Variants in KLHL6 observed in about 807,000 individuals in gnomAD.
The protein encoded by KLHL6 is kelch-like protein 6.
A neutral mutation model predicts 58.6 loss-of-function variants in KLHL6; 41 were observed. The ratio of observed to expected loss-of-function variants is 0.70; its 90% confidence interval spans 0.55 to 0.91. The LOEUF (loss-of-function observed/expected upper bound fraction) is 0.91, where lower values mean the gene tolerates loss of function less well. KLHL6 is among the 40% of genes least tolerant of loss of function. The pLI is 0.00. For missense variants in KLHL6, 714 were observed against 805.6 expected (o/e 0.89, Z 1.38); for synonymous variants, 338 against 322.7 (o/e 1.05, Z -0.51).
intron 1 of KLHL6, among the ~76,000 whole-genome samples, chr3:183,530,959 G>A (rs1473815398): frequency 1.3e-5 from 2 of 151,648 alleles, no homozygotes; most frequent in Non-Finnish European, 2.9e-5. Context: ...AGCCTCTGGA[G>A]TAGCTGGGAT....
chr3:183,499,466 T>C lies in KLHL6; in HGVS notation c.1147+124A>G, dbSNP rs888876840. On this transcript the variant is annotated intron_variant, in intron 4 of 6. Transcript: ENST00000341319. The surrounding 1 kb of genome is among the most constrained non-coding windows in gnomAD (Gnocchi z 4.6). ...CCTGAGCTCCTGGGTCCATATCCTG[T>C]CTCAGTCAGAGCCGGATCATTGCCA... 18 of 668,786 alleles carry C rather than the reference T, an allele frequency of 2.7e-5. No individual in the cohort carries two copies. Among genetic ancestry groups the C allele is most frequent in the Non-Finnish European group, 4.7e-5 (18 of 382,848 alleles). 41.4% of individuals were successfully genotyped at this position (668,786 alleles called of 1,614,324 possible).
chr3:183,523,689 T>C (rs1342740235), intron 2 of KLHL6, among the ~76,000 whole-genome samples: 1 of 106,210 alleles, frequency 9.4e-6, no homozygotes, highest in African/African-American at 3.8e-5. Context: ...TTTTTTCCCA[T>C]GAGTTGTTGT....
intron 1 of KLHL6, among the ~76,000 whole-genome samples, chr3:183,528,643 A>G (rs1409947306): frequency 6.6e-6 from 1 of 152,196 alleles, no homozygotes; most frequent in Non-Finnish European, 1.5e-5. Context: ...GGAAGAGGAT[A>G]GAAAGGATGT....
chr3:183,533,009 A>G (rs770529836), intron 1 of KLHL6, among the ~76,000 whole-genome samples: 12 of 152,326 alleles, frequency 7.9e-5, no homozygotes, highest in South Asian at 2.1e-4. Flanking sequence ...CAGTAGCCAC[A>G]CCGCTAGGGA....
chr3:183,491,994 C>G lies in KLHL6; in HGVS notation c.1799G>C (p.Gly600Ala), dbSNP rs1323053267. Residue 600 changes from glycine (G) to alanine (A), a missense_variant, in exon 7 of 7, where the codon GGC (glycine) becomes GCC (alanine). By Grantham distance (60) the Gly-to-Ala change is moderately conservative (BLOSUM62 0). Transcript: ENST00000341319. Reference protein sequence around the residue: ...CVLPRGVSHHGSVTIRKSYTH... With the variant: ...CVLPRGVSHHASVTIRKSYTH... ...GTACGACTTCCTGATGGTGACGCTG[C>G]CGTGGTGCGACACGCCCCGGGGCAG... is the stretch of plus-strand genomic sequence containing the variant. The G allele has an allele frequency of 6.3e-7, 1 of 1,594,368 alleles. No individual in the cohort carries two copies. Among genetic ancestry groups the G allele is most frequent in the Admixed American group, 1.7e-5 (1 of 57,688 alleles).
rs1345691743 is a variant in KLHL6 at position 183,489,994 on chromosome 3, A to G, written c.*1933T>C. 1 of 152,232 alleles carries G rather than the reference A, an allele frequency of 6.6e-6. No individual in the cohort carries two copies. The highest frequency in any genetic ancestry group is 2.4e-5 in the African/African-American group (1 of 41,440). 9.4% of individuals were successfully genotyped at this position (152,232 alleles called of 1,614,324 possible). On this transcript the variant is annotated 3_prime_UTR_variant, in exon 7 of 7. Transcript: ENST00000341319. Reference sequence around the variant, plus strand: ...AGAGAATTGAAATCATATGATGAAAATAAAGTCCATTGGGTAACGCAGTTA... The same window carrying G: ...AGAGAATTGAAATCATATGATGAAAGTAAAGTCCATTGGGTAACGCAGTTA...
At position 183,492,000 on chromosome 3, in the gene KLHL6, T is replaced by G. The variant is rs752713874; in HGVS notation, c.1793A>C (p.His598Pro). 6.3e-7 allele frequency: 1 copy of G among 1,596,384 alleles called. No individual in the cohort carries two copies. The highest frequency in any genetic ancestry group is 8.6e-7 in the Non-Finnish European group (1 of 1,168,670). Residue 598 changes from histidine to proline, a missense_variant, in exon 7 of 7, where the codon CAC becomes CCC. Physicochemically the swap from His to Pro is moderately conservative, Grantham distance 77 (BLOSUM62 -2). Transcript: ENST00000341319. ...EECVLPRGVS[H>P]HGSVTIRKSY... ...CTTCCTGATGGTGACGCTGCCGTGG[T>G]GCGACACGCCCCGGGGCAGGACGCA...
At chr3:183,518,789 T>C (rs147610060) in intron 2 of KLHL6, among the ~76,000 whole-genome samples, 6 of 152,284 alleles carry the variant, frequency 3.9e-5, no homozygotes, top group Non-Finnish European at 8.8e-5. Flanking sequence ...ACAAAGTTTA[T>C]ACCAAAACAG....
At chr3:183,506,452 G>A (rs549653629) in intron 3 of KLHL6, among the ~76,000 whole-genome samples, 1 of 152,306 alleles carries the variant, frequency 6.6e-6, no homozygotes, top group East Asian at 1.9e-4. Context: ...TCCCAGTCTA[G>A]AGATATTTAC....
chr3:183,531,441 G>GTATTTTTTTTTTTTTTTTTTT (rs1367673441), intron 1 of KLHL6, among the ~76,000 whole-genome samples: 2 of 102,100 alleles, frequency 2.0e-5, no homozygotes. Flanking sequence ...TTTTTTGTCT[G>GTATTTTTTTTTTTTTTTTTTT]TGTTTTTTTT....
intron 1 of KLHL6, among the ~76,000 whole-genome samples, chr3:183,537,806 A>C (rs1712414757): frequency 6.6e-6 from 1 of 151,690 alleles, no homozygotes; most frequent in African/African-American, 2.4e-5. Context: ...CCACTCCCTC[A>C]CCTCTTCGCT....
chr3:183,514,217 G>A (rs995661602), intron 2 of KLHL6, among the ~76,000 whole-genome samples: 3 of 152,186 alleles, frequency 2.0e-5, no homozygotes, highest in East Asian at 1.9e-4. Flanking sequence ...AGTGTGGAAG[G>A]ACACTTGAGA....
At chr3:183,494,385 C>A in intron 4 of KLHL6, 104 bp from the exon 5 acceptor site, 1 of 939,250 alleles carries the variant, frequency 1.1e-6, no homozygotes. Flanking sequence ...CCAGGCCAGC[C>A]CTACCCTGAG....
intron 2 of KLHL6, among the ~76,000 whole-genome samples, chr3:183,525,756 G>A (rs548554645): frequency 6.6e-6 from 1 of 152,334 alleles, no homozygotes; most frequent in Non-Finnish European, 1.5e-5. Context: ...AGAAGAACAA[G>A]GTAGTTTCCA....
chr3:183,508,368 GTTT>G lies in KLHL6; in HGVS notation c.597_599del (p.Gln199_Asn200delinsHis). On this transcript the variant is annotated inframe_deletion, in exon 3 of 7. Coordinates refer to ENST00000341319, the MANE Select transcript of KLHL6 (RefSeq NM_130446.4). ...CCTCAGAGTTCAGAATCTGCACAAA[GTTT>G]TGAATGATGTAACTCTGAACCTGCT... is the stretch of plus-strand genomic sequence containing the variant. The G allele has an allele frequency of 6.2e-7, 1 of 1,614,246 alleles. No homozygotes were observed. Among genetic ancestry groups the G allele is most frequent in the Non-Finnish European group, 8.5e-7 (1 of 1,180,046 alleles).
chr3:183,539,477 AG>A (rs199747521), intron 1 of KLHL6, among the ~76,000 whole-genome samples: 1,979 of 152,208 alleles, frequency 0.013, 40 homozygotes, highest in African/African-American at 0.045. Flanking sequence ...TGGGATGCCG[AG>A]GCTGGCAGAT....
At chr3:183,555,321 A>C (rs1193584950) in intron 1 of KLHL6, 40 bp downstream of exon 1, 7 of 1,589,404 alleles carry the variant, frequency 4.4e-6, no homozygotes, top group Non-Finnish European at 6.0e-6. Context: ...TCTTCCTTGC[A>C]ACTTGCACCC....
At chr3:183,549,752 C>G (rs1712848689) in intron 1 of KLHL6, among the ~76,000 whole-genome samples, 1 of 152,172 alleles carries the variant, frequency 6.6e-6, no homozygotes, top group African/African-American at 2.4e-5. Flanking sequence ...TATCCAAAGA[C>G]TACCAGATAT....
Position 183,555,438 on chromosome 3 carries a change from T to G in KLHL6, c.216A>C (p.Thr72=), listed in dbSNP as rs112220671. The G allele has an allele frequency of 6.2e-7, 1 of 1,614,064 alleles. No individual in the cohort carries two copies. Among genetic ancestry groups the G allele is most frequent in the African/African-American group, 1.3e-5 (1 of 74,932 alleles). ...GAATGTCCACACACAAGATGACATC[T>G]GTCAGAGCGTTTTCCATTCGCAGGG... ...LETLRMENAL[T]DVILCVDIQE... The change falls in exon 1 of 7, where the codon ACA becomes ACC. Residue 72 remains threonine, a synonymous_variant. Coordinates refer to ENST00000341319, the MANE Select transcript of KLHL6 (RefSeq NM_130446.4).
Sources: gnomAD v4.1 joint callset for allele counts (sites outside exome capture counted in the v4.1 genomes callset) on GRCh38, gnomAD v4.1.1 for gene constraint, Gnocchi (gnomAD v3.1) non-coding constraint, MANE v1.5 for transcripts, NCBI Gene and HGNC (gene_info 2026-07-23, HGNC 2026-07-21) for gene names.